The following PRTG variants were observed in gnomAD, a reference collection of about 807,000 sequenced individuals.
The protein encoded by PRTG is immunoglobulin superfamily, DCC subclass, member 5.
In PRTG, 67 loss-of-function variants were observed where a neutral mutation model predicts 122.5. The ratio of observed to expected loss-of-function variants is 0.55; its 90% CI spans 0.45 to 0.67. The LOEUF is 0.67. Among genes scored for constraint, PRTG ranks in the 30% least tolerant of loss-of-function variants. The pLI is 0.00. For synonymous variants in PRTG, 554 were observed against 501.1 expected, an observed-to-expected ratio of 1.11 and a Z score of -1.41; for missense variants, 1,435 against 1,415.4, an observed-to-expected ratio of 1.01 and a Z score of -0.22.
intron 2 of PRTG, among the ~76,000 whole-genome samples, chr15:55,703,605 GA>G (rs1299608218): frequency 6.6e-6 from 1 of 152,190 alleles, no homozygotes; most frequent in Non-Finnish European, 1.5e-5. Context: ...TTGTCAATAA[GA>G]AAAGTCCAGG....
intron 2 of PRTG, among the ~76,000 whole-genome samples, chr15:55,701,308 G>C (rs760440200): frequency 1.3e-5 from 2 of 152,140 alleles, no homozygotes; most frequent in Admixed American, 6.6e-5. Context: ...AGGCCGAAGC[G>C]GGTGGATCAT....
intron 19 of PRTG, 45 bp downstream of exon 19, chr15:55,620,618 A>C (rs766370376): frequency 3.9e-6 from 6 of 1,551,636 alleles, no homozygotes; most frequent in Non-Finnish European, 5.2e-6. Flanking sequence ...TCATCATTTC[A>C]TATATCACGC....
intron 13 of PRTG, among the ~76,000 whole-genome samples, chr15:55,639,169 C>G (rs2059275345): frequency 6.6e-6 from 1 of 152,132 alleles, no homozygotes; most frequent in South Asian, 2.1e-4. Flanking sequence ...GAGATGGGAT[C>G]TGGCTATGTT....
intron 11 of PRTG, among the ~76,000 whole-genome samples, chr15:55,660,167 G>A (rs1023897143): frequency 9.9e-5 from 15 of 151,854 alleles, no homozygotes; most frequent in African/African-American, 3.4e-4. Flanking sequence ...TCCAGGAAGC[G>A]TGGTCCTGCA....
In PRTG at chr15:55,743,126, G is replaced by C; in HGVS notation, c.-195C>G. On this transcript the variant is annotated 5_prime_UTR_variant, in exon 1 of 20. Coordinates refer to ENST00000389286, the MANE Select transcript of PRTG (RefSeq NM_173814.6). ...GACGGCCGCTCGCGAGAAGCAAGGG[G>C]CCTGAGAGTCCGGCTGGGGGCGGAG... 1 of 1,262,976 alleles carries C rather than the reference G, an allele frequency of 7.9e-7. No homozygotes were observed. The highest frequency in any genetic ancestry group is 9.9e-7 in the Non-Finnish European group (1 of 1,008,158). The allele number at this position is 1,262,976 out of a possible 1,614,324, so 78.2% of individuals were successfully genotyped here. A position where few individuals can be genotyped will look rare whatever the true frequency, so the allele number is the denominator to read the frequency against.
chr15:55,742,806 C>T (rs1190431011), intron 1 of PRTG, 32 bp downstream of exon 1: 2 of 1,539,966 alleles, frequency 1.3e-6, no homozygotes, highest in African/African-American at 1.4e-5. Flanking sequence ...CGCCCCACAG[C>T]GGTAAGAGAA....
intron 11 of PRTG, among the ~76,000 whole-genome samples, chr15:55,670,902 A>AACAC (rs59455199): frequency 8.0e-4 from 115 of 143,896 alleles, no homozygotes; most frequent in African/African-American, 2.9e-3. Context: ...CTCCGTCACA[A>AACAC]ACACACACAC....
intron 1 of PRTG, chr15:55,742,512 A>C: frequency 4.2e-6 from 1 of 236,100 alleles, no homozygotes; most frequent in Non-Finnish European, 8.1e-6. Context: ...ACGCGGCCGG[A>C]GCCGGGACAA....
At chr15:55,704,131 C>G (rs1438996341) in intron 2 of PRTG, among the ~76,000 whole-genome samples, 1 of 152,216 alleles carries the variant, frequency 6.6e-6, no homozygotes, top group Non-Finnish European at 1.5e-5. Context: ...ACTTTCCCTT[C>G]AGCCTTTTGC....
chr15:55,705,878 A>G (rs1260402403), intron 2 of PRTG, among the ~76,000 whole-genome samples: 2 of 134,670 alleles, frequency 1.5e-5, no homozygotes, highest in Admixed American at 8.0e-5. Context: ...TTTTCTGAGA[A>G]GGAGTCTCAC....
chr15:55,680,387 G>T (rs2059530851), intron 5 of PRTG, 104 bp downstream of exon 5: 1 of 1,306,364 alleles, frequency 7.7e-7, no homozygotes, highest in Non-Finnish European at 1.0e-6. Flanking sequence ...ACATTCAACA[G>T]CCAAACCTGT....
At position 55,698,200 on chromosome 15, in the gene PRTG, T is replaced by C. The variant is rs908884527; in HGVS notation, c.398-14269A>G. Among the ~76,000 whole-genome samples, 5 of 152,308 alleles carry C rather than the reference T, an allele frequency of 3.3e-5. No homozygotes were observed. The East Asian group carries it at 5.8e-4, about 18-fold the overall frequency. ...ATCAGTGCTTGAAAACATAAACTTA[T>C]CTTCCCTGTCCTAAAAAGTAGCATC... On this transcript the variant is annotated intron_variant, in intron 2 of 19. Transcript: ENST00000389286.
At chr15:55,623,515 G>C (rs1015499644) in intron 18 of PRTG, among the ~76,000 whole-genome samples, 1 of 152,008 alleles carries the variant, frequency 6.6e-6, no homozygotes, top group African/African-American at 2.4e-5. Context: ...ACAGTGAGCC[G>C]AGATCGTACC....
Position 55,624,358 on chromosome 15 carries a change from C to CAT in PRTG, c.3076_3077insAT (p.Ser1026AsnfsTer12), listed in dbSNP as rs1416149331. 17 of 1,613,826 alleles carry CAT rather than the reference C, an allele frequency of 1.1e-5. No homozygotes were observed. In the African/African-American group the frequency reaches 2.0e-4, roughly 19 times the overall value. On this transcript the variant is annotated frameshift_variant, in exon 18 of 20. Transcript: ENST00000389286. LOFTEE classifies it high-confidence loss of function. The stretch of plus-strand genomic sequence containing the variant: ...GCTCAGTACCTTTGCATCAATGAAG[C>CAT]TGTTTGGCATGATCATTGGCATTAA...
At chr15:55,701,126 T>G (rs1294702199) in intron 2 of PRTG, among the ~76,000 whole-genome samples, 1 of 152,172 alleles carries the variant, frequency 6.6e-6, no homozygotes, top group Non-Finnish European at 1.5e-5. Flanking sequence ...AATACCAAGT[T>G]CTGGTGAGGA....
intron 14 of PRTG, among the ~76,000 whole-genome samples, chr15:55,637,571 C>T (rs533771464): frequency 4.6e-5 from 7 of 152,254 alleles, no homozygotes; most frequent in Non-Finnish European, 7.4e-5. Flanking sequence ...TCTAAGTTAA[C>T]GGGATAGCAT....
At chr15:55,709,580 A>C (rs1455150194) in intron 2 of PRTG, among the ~76,000 whole-genome samples, 2 of 152,094 alleles carry the variant, frequency 1.3e-5, no homozygotes, top group African/African-American at 4.8e-5. Flanking sequence ...CTTATACATG[A>C]ATATTCCTAA....
rs2141697813 is a variant in PRTG, at chr15:55,612,877, A to G, written c.*7135T>C. On this transcript the variant is annotated 3_prime_UTR_variant, in exon 20 of 20. Coordinates refer to ENST00000389286, the MANE Select transcript of PRTG (RefSeq NM_173814.6). ...ATTTCAGCTATATCTTTTACCAACCACTTTCTTCTATTGGTTTTGTGTATG... is the reference window on the plus strand; with the variant it reads ...ATTTCAGCTATATCTTTTACCAACCGCTTTCTTCTATTGGTTTTGTGTATG... 6.6e-6 allele frequency: 1 copy of G among 151,518 alleles called. No homozygotes were observed. The highest frequency in any genetic ancestry group is 1.5e-5 in the Non-Finnish European group (1 of 67,828). 9.4% of individuals were successfully genotyped at this position (151,518 alleles called of 1,614,324 possible). A position where few individuals can be genotyped will look rare whatever the true frequency, so the allele number is the denominator to read the frequency against.
At chr15:55,679,992 G>T in intron 6 of PRTG, 62 bp downstream of exon 6, 2 of 1,319,370 alleles carry the variant, frequency 1.5e-6, no homozygotes, top group South Asian at 1.3e-5. Context: ...AGCTATGAAT[G>T]AGATAAAACG....
Sources: allele counts gnomAD v4.1 joint callset (sites outside exome capture counted in the v4.1 genomes callset), GRCh38; gene constraint gnomAD v4.1.1; transcripts MANE v1.5; gene names NCBI Gene and HGNC (gene_info 2026-07-23, HGNC 2026-07-21).